Variants in GRIN2A observed in about 807,000 individuals in gnomAD.
GRIN2A encodes the protein glutamate receptor ionotropic, NMDA 2A.
In GRIN2A, 22 loss-of-function variants were observed where a neutral mutation model predicts 113.4. The ratio of observed to expected loss-of-function variants is 0.19; its 90% CI spans 0.14 to 0.28. The LOEUF (loss-of-function observed/expected upper bound fraction) is 0.28, where lower values mean the gene tolerates loss of function less well. Ranked by LOEUF, GRIN2A falls within the 10% of genes least tolerant of loss-of-function variation. GRIN2A has a pLI of 1.00. For synonymous variants in GRIN2A, 827 were observed against 738.4 expected, an observed-to-expected ratio of 1.12 and a Z score of -1.94; for missense variants, 1,502 against 1,887.0, an observed-to-expected ratio of 0.80 and a Z score of 3.78.
rs754145252 is a variant in GRIN2A at position 9,955,337 on chromosome 16, T to C, written c.415-16786A>G. On this transcript the variant is annotated intron_variant, in intron 2 of 12. Coordinates refer to ENST00000330684, the MANE Select transcript of GRIN2A (RefSeq NM_001134407.3). ...CTTTGCTTGTCTTGTTCCAGGTTCC[T>C]TGAACTGTTCTTACCTTCTCTGTCC... Among the ~76,000 whole-genome samples, 32 of 152,246 alleles carry C rather than the reference T, an allele frequency of 2.1e-4. 1 individual carries two copies. The highest frequency in any genetic ancestry group is 6.5e-5 in the Admixed American group (1 of 15,288).
chr16:9,991,419 G>C lies in GRIN2A; in HGVS notation c.415-52868C>G, dbSNP rs780699413. Among the ~76,000 whole-genome samples, 20 of 152,180 alleles carry C rather than the reference G, an allele frequency of 1.3e-4. No homozygotes were observed. In the South Asian group the frequency reaches 4.1e-3, roughly 32 times the overall value. On this transcript the variant is annotated intron_variant, in intron 2 of 12. Transcript: ENST00000330684. ...TGCAATCATGGTTCTTTTAAAAATA[G>C]ATTTAAGGGATACAACTGCATTTTT...
At chr16:10,067,990 G>C (rs1036534935) in intron 2 of GRIN2A, among the ~76,000 whole-genome samples, 1 of 152,218 alleles carries the variant, frequency 6.6e-6, no homozygotes, top group Non-Finnish European at 1.5e-5. Flanking sequence ...ACTTGGGCAG[G>C]TTAATTAAAC....
chr16:10,027,654 T>G (rs2046849219), intron 2 of GRIN2A: 1 of 152,668 alleles, frequency 6.6e-6, no homozygotes, highest in Non-Finnish European at 1.5e-5. Flanking sequence ...TGAGGAGTCC[T>G]CGCTGGTGAG....
At chr16:9,911,958 T>C (rs2141553343) in intron 3 of GRIN2A, among the ~76,000 whole-genome samples, 1 of 152,312 alleles carries the variant, frequency 6.6e-6, no homozygotes, top group South Asian at 2.1e-4. Context: ...TCACTCTGCA[T>C]CTTAGTTTTC....
intron 4 of GRIN2A, among the ~76,000 whole-genome samples, chr16:9,852,147 T>C (rs2042894509): frequency 6.6e-6 from 1 of 152,206 alleles, no homozygotes; most frequent in African/African-American, 2.4e-5. Flanking sequence ...TCCAACTTCG[T>C]AGTTCAGGAA....
intron 2 of GRIN2A, among the ~76,000 whole-genome samples, chr16:9,988,527 T>C (rs1006408102): frequency 2.0e-5 from 3 of 151,066 alleles, no homozygotes; most frequent in Non-Finnish European, 3.0e-5. Flanking sequence ...TCTCCTTCTC[T>C]GTGTGTACCA....
chr16:9,849,863 G>C lies in GRIN2A; in HGVS notation c.1221C>G (p.Ser407Arg). The change falls in exon 5 of 13, where the codon AGC (serine) becomes AGG (arginine). Residue 407 changes from serine (S) to arginine (R), a missense_variant. Physicochemically the swap from Ser to Arg is moderately radical, Grantham distance 110 (BLOSUM62 -1). Coordinates refer to ENST00000330684, the MANE Select transcript of GRIN2A (RefSeq NM_001134407.3). ...ATGGGGCCTCCTCCAGGGTGACGAT[G>C]CTGAGATGGTTGTCATCCGGCTCAC... The part of the protein sequence containing the change: ...SDCEPDDNHL[S>R]IVTLEEAPFV... 6.2e-7 allele frequency: 1 copy of C among 1,613,938 alleles called. No homozygotes were observed. Among genetic ancestry groups the C allele is most frequent in the Non-Finnish European group, 8.5e-7 (1 of 1,179,830 alleles).
intron 2 of GRIN2A, among the ~76,000 whole-genome samples, chr16:10,083,186 C>T (rs1267374708): frequency 2.6e-5 from 4 of 152,242 alleles, no homozygotes; most frequent in Admixed American, 2.6e-4. Context: ...TTTGCAGAAG[C>T]TACAGTAGAG....
At chr16:9,969,215 G>C (rs2045622003) in intron 2 of GRIN2A, among the ~76,000 whole-genome samples, 1 of 151,954 alleles carries the variant, frequency 6.6e-6, no homozygotes, top group African/African-American at 2.4e-5. Flanking sequence ...GTCCTTTTTT[G>C]AACTTGGTGT....
At chr16:10,104,822 AG>A (rs1282507628) in intron 2 of GRIN2A, among the ~76,000 whole-genome samples, 7 of 152,162 alleles carry the variant, frequency 4.6e-5, no homozygotes, top group Non-Finnish European at 1.0e-4. Flanking sequence ...GCAGGGTATG[AG>A]GAGAAACAGG....
At chr16:9,843,222 A>C (rs2042714328) in intron 5 of GRIN2A, among the ~76,000 whole-genome samples, 1 of 152,180 alleles carries the variant, frequency 6.6e-6, no homozygotes. Context: ...TTATCTAGTA[A>C]GTACATACTA....
intron 2 of GRIN2A, among the ~76,000 whole-genome samples, chr16:10,081,297 G>T (rs2047976364): frequency 6.6e-6 from 1 of 152,144 alleles, no homozygotes; most frequent in Admixed American, 6.5e-5. Context: ...GGTTTCCTTT[G>T]TTCTCAAACT....
chr16:10,101,566 G>T (rs2048395882), intron 2 of GRIN2A, among the ~76,000 whole-genome samples: 1 of 111,388 alleles, frequency 9.0e-6, no homozygotes. Context: ...AATCCCTGGG[G>T]TCATTTAGGT....
chr16:10,107,777 A>T (rs2048526984), intron 2 of GRIN2A, among the ~76,000 whole-genome samples: 1 of 152,142 alleles, frequency 6.6e-6, no homozygotes, highest in African/African-American at 2.4e-5. Flanking sequence ...AGGACACTCA[A>T]CTCACAGTTG....
At chr16:9,769,454 T>C (rs1013103981) in intron 11 of GRIN2A, among the ~76,000 whole-genome samples, 9 of 142,488 alleles carry the variant, frequency 6.3e-5, no homozygotes, top group African/African-American at 2.3e-4. Flanking sequence ...GTTTTGTCTT[T>C]TTTTTTTTTT....
chr16:9,820,685 G>T (rs921373979), intron 10 of GRIN2A, among the ~76,000 whole-genome samples: 1 of 152,096 alleles, frequency 6.6e-6, no homozygotes, highest in African/African-American at 2.4e-5. Flanking sequence ...AAAACAGCAG[G>T]CACCAAGAAT....
intron 2 of GRIN2A, among the ~76,000 whole-genome samples, chr16:9,988,284 CGTGTGTGTGT>C (rs4031160): frequency 2.0e-5 from 3 of 146,940 alleles, no homozygotes; most frequent in East Asian, 2.0e-4. Flanking sequence ...TGTGTGTGTG[CGTGTGTGTGT>C]GTGTGTGTGT....
chr16:10,175,050 T>A (rs971734028), intron 2 of GRIN2A, among the ~76,000 whole-genome samples: 3 of 152,236 alleles, frequency 2.0e-5, no homozygotes, highest in African/African-American at 7.2e-5. Flanking sequence ...TGTATTACAG[T>A]TGCTTACAAT....
intron 2 of GRIN2A, among the ~76,000 whole-genome samples, chr16:10,119,674 G>T (rs924511577): frequency 6.6e-6 from 1 of 152,156 alleles, no homozygotes; most frequent in African/African-American, 2.4e-5. Flanking sequence ...AGATTATTTT[G>T]TCACACAGGT....
Sources: gnomAD v4.1 joint callset for allele counts (sites outside exome capture counted in the v4.1 genomes callset) on GRCh38, gnomAD v4.1.1 for gene constraint, MANE v1.5 for transcripts, NCBI Gene and HGNC (gene_info 2026-07-23, HGNC 2026-07-21) for gene names.